Variants in TENT2 observed in about 807,000 individuals in gnomAD.
The protein encoded by TENT2 is poly(A) RNA polymerase GLD2.
In TENT2, 44 loss-of-function variants were observed where a neutral mutation model predicts 72.2. The observed-to-expected ratio is 0.61, with a 90% CI of 0.48 to 0.78. The LOEUF (loss-of-function observed/expected upper bound fraction) is 0.78. Among genes scored for constraint, TENT2 ranks in the 30% least tolerant of loss-of-function variants. The pLI, the probability that TENT2 is intolerant of heterozygous loss-of-function variation, is 0.00. For missense variants in TENT2, 541 were observed against 569.6 expected (o/e 0.95, Z 0.51); for synonymous variants, 212 against 192.5 (o/e 1.10, Z -0.84).
intron 7 of TENT2, among the ~76,000 whole-genome samples, chr5:79,643,482 T>C (rs539636665): frequency 7.2e-5 from 11 of 152,352 alleles, no homozygotes; most frequent in African/African-American, 2.4e-4. Context: ...TAATTTCTTT[T>C]AAACTTCCAT....
At chr5:79,673,531 A>G (rs956581149) in intron 12 of TENT2, among the ~76,000 whole-genome samples, 1 of 151,828 alleles carries the variant, frequency 6.6e-6, no homozygotes, top group East Asian at 1.9e-4. Context: ...TATTCCCAGC[A>G]CTATTTATTG....
In TENT2 at chr5:79,669,009, TATTA is replaced by T; in HGVS notation, c.1190_1193del (p.Tyr397LeufsTer11). The T allele has an allele frequency of 6.2e-7, 1 of 1,613,750 alleles. No homozygotes were observed. The highest frequency in any genetic ancestry group is 2.2e-5 in the East Asian group (1 of 44,838). On this transcript the variant is annotated frameshift_variant, in exon 12 of 15. Transcript: ENST00000453514. LOFTEE classifies it high-confidence loss of function. ...GGACCTCTTACTGGGCTTTCTTAAA[TATTA>T]TGCTACAGAATTTGAGTAAGTAAAA...
At chr5:79,631,712 T>C (rs1004434387) in intron 4 of TENT2, among the ~76,000 whole-genome samples, 3 of 152,268 alleles carry the variant, frequency 2.0e-5, no homozygotes, top group Admixed American at 1.3e-4. Flanking sequence ...GAAACTCTGG[T>C]CACAAATAAA....
chr5:79,648,959 C>A, intron 9 of TENT2, 103 bp from the exon 10 acceptor site: 1 of 1,273,696 alleles, frequency 7.9e-7, no homozygotes, highest in Non-Finnish European at 1.1e-6. Context: ...TTAATATACA[C>A]GGAGACAGTG....
At chr5:79,631,401 A>G (rs1408860419) in intron 4 of TENT2, among the ~76,000 whole-genome samples, 1 of 152,214 alleles carries the variant, frequency 6.6e-6, no homozygotes, top group Non-Finnish European at 1.5e-5. Flanking sequence ...TGTGCCTTTA[A>G]GAAGCTTTTG....
Position 79,686,356 on chromosome 5 carries a change from T to A in TENT2, c.*1083T>A, listed in dbSNP as rs1048707409. 2.0e-5 allele frequency: 3 copies of A among 152,152 alleles called. No individual in the cohort carries two copies. The highest frequency in any genetic ancestry group is 2.9e-5 in the Non-Finnish European group (2 of 68,004). 9.4% of individuals were successfully genotyped at this position (152,152 alleles called of 1,614,324 possible). ...GCTAAAAAAAAAGCTACAGTGTTTATTAAGGGTCTTTTTGATTTATGTAAA... is the reference window on the plus strand; with the variant it reads ...GCTAAAAAAAAAGCTACAGTGTTTAATAAGGGTCTTTTTGATTTATGTAAA... On this transcript the variant is annotated 3_prime_UTR_variant, in exon 15 of 15. Coordinates refer to ENST00000453514, the MANE Select transcript of TENT2 (RefSeq NM_001114394.3).
chr5:79,664,263 G>A (rs942843877), intron 11 of TENT2, among the ~76,000 whole-genome samples: 23 of 152,040 alleles, frequency 1.5e-4, no homozygotes, highest in Non-Finnish European at 2.5e-4. Flanking sequence ...GTAAGGAAGG[G>A]ATCCATCAAT....
At chr5:79,636,464 T>A (rs1039285911) in intron 4 of TENT2, among the ~76,000 whole-genome samples, 19 of 152,334 alleles carry the variant, frequency 1.2e-4, no homozygotes, top group Admixed American at 3.9e-4. Context: ...CCATACTATC[T>A]TGATTACTGT....
At chr5:79,680,342 T>A (rs921487361) in intron 13 of TENT2, among the ~76,000 whole-genome samples, 3 of 152,206 alleles carry the variant, frequency 2.0e-5, no homozygotes, top group Non-Finnish European at 2.9e-5. Flanking sequence ...TCTCCTGCTT[T>A]GGTGTGCTAA....
chr5:79,623,428 C>T lies in TENT2; in HGVS notation c.404C>T (p.Pro135Leu). The T allele has an allele frequency of 6.2e-7, 1 of 1,611,596 alleles. No homozygotes were observed. The highest frequency in any genetic ancestry group is 8.5e-7 in the Non-Finnish European group (1 of 1,178,862). Residue 135 changes from proline to leucine, a missense_variant, in exon 4 of 15, where the codon CCT (proline) becomes CTT (leucine). By Grantham distance (98) the Pro-to-Leu change is moderately conservative. Transcript: ENST00000453514. ...YVPDIVRCVP[P>L]FREIAFLEPR... ...CCAGATATAGTCAGATGTGTTCCAC[C>T]TTTTCGAGAAATTGCATTTTTAGAA...
intron 12 of TENT2, among the ~76,000 whole-genome samples, chr5:79,678,436 TG>T (rs1457744947): frequency 6.6e-6 from 1 of 152,094 alleles, no homozygotes; most frequent in Non-Finnish European, 1.5e-5. Flanking sequence ...ACTTAAAAAA[TG>T]GTATCAGCTG....
At chr5:79,658,398 C>G (rs1296409571) in intron 11 of TENT2, among the ~76,000 whole-genome samples, 3 of 150,666 alleles carry the variant, frequency 2.0e-5, no homozygotes, top group Admixed American at 1.3e-4. Flanking sequence ...GCTGTGATGC[C>G]CAGTTTGGTC....
rs755077546 is a variant in TENT2 at position 79,619,608 on chromosome 5, C to T, written c.-37-4C>T. The T allele has an allele frequency of 6.3e-7, 1 of 1,585,344 alleles. No individual in the cohort carries two copies. Among genetic ancestry groups the T allele is most frequent in the South Asian group, 1.1e-5 (1 of 87,328 alleles). On this transcript the variant is annotated splice_region_variant and splice_polypyrimidine_tract_variant and intron_variant, in intron 1 of 14. Coordinates refer to ENST00000453514, the MANE Select transcript of TENT2 (RefSeq NM_001114394.3). ...TTTAATATTGTCTTTTTAAATTATC[C>T]TAGGTAGAAGAATACATGTTCACTT...
chr5:79,628,737 G>A (rs556080659), intron 4 of TENT2, among the ~76,000 whole-genome samples: 4 of 152,276 alleles, frequency 2.6e-5, no homozygotes, highest in African/African-American at 9.6e-5. Context: ...AAACATTTGT[G>A]CTCCTCAGAA....
At chr5:79,619,082 C>G (rs73119771) in intron 1 of TENT2, among the ~76,000 whole-genome samples, 3,209 of 152,234 alleles carry the variant, frequency 0.021, 101 homozygotes, top group African/African-American at 0.069. Context: ...TTTCCCTATT[C>G]CTGTGGAACA....
chr5:79,676,282 C>T (rs1817247525), intron 12 of TENT2, among the ~76,000 whole-genome samples: 1 of 151,764 alleles, frequency 6.6e-6, no homozygotes, highest in African/African-American at 2.4e-5. Flanking sequence ...TAATCAGTTG[C>T]CTCAAAATAC....
chr5:79,665,199 T>C (rs1806481704), intron 11 of TENT2, among the ~76,000 whole-genome samples: 1 of 152,182 alleles, frequency 6.6e-6, no homozygotes, highest in Non-Finnish European at 1.5e-5. Flanking sequence ...CTTGTAACCT[T>C]CTTTAACATA....
intron 4 of TENT2, among the ~76,000 whole-genome samples, chr5:79,627,660 T>C (rs529269741): frequency 6.6e-6 from 1 of 152,102 alleles, no homozygotes; most frequent in Non-Finnish European, 1.5e-5. Flanking sequence ...CAATTTTGTA[T>C]TTTTAGTAGA....
chr5:79,618,131 C>G (rs916269188), intron 1 of TENT2, among the ~76,000 whole-genome samples: 1 of 152,126 alleles, frequency 6.6e-6, no homozygotes, highest in Non-Finnish European at 1.5e-5. Flanking sequence ...CCCCTACCAC[C>G]TTTTCCTTTT....
Sources: gnomAD v4.1 joint callset for allele counts (sites outside exome capture counted in the v4.1 genomes callset) on GRCh38, gnomAD v4.1.1 for gene constraint, MANE v1.5 for transcripts, NCBI Gene and HGNC (gene_info 2026-07-23, HGNC 2026-07-21) for gene names.